The following NAALADL2 variants were observed in gnomAD, a reference collection of about 807,000 sequenced individuals.
The protein encoded by NAALADL2 is inactive N-acetylated-alpha-linked acidic dipeptidase-like protein 2.
NAALADL2 carries 76 observed loss-of-function variants against 87.2 expected under a neutral mutation model. That is an observed-to-expected ratio of 0.87 (90% CI 0.72 to 1.05). The LOEUF (loss-of-function observed/expected upper bound fraction) is 1.05, where lower values mean the gene tolerates loss of function less well. Among genes scored for constraint, NAALADL2 ranks in the 50% least tolerant of loss-of-function variants. The pLI is 0.00. For synonymous variants in NAALADL2, 354 were observed against 331.0 expected, an observed-to-expected ratio of 1.07 and a Z score of -0.75; for missense variants, 1,089 against 945.8, an observed-to-expected ratio of 1.15 and a Z score of -1.99.
chr3:174,903,299 A>G (rs1732527705), intron 1 of NAALADL2, among the ~76,000 whole-genome samples: 1 of 152,094 alleles, frequency 6.6e-6, no homozygotes, highest in South Asian at 2.1e-4. Context: ...TAGTAATAAG[A>G]AGACGCAATA....
intron 1 of NAALADL2, among the ~76,000 whole-genome samples, chr3:174,510,925 T>C (rs892111924): frequency 3.3e-5 from 5 of 151,986 alleles, no homozygotes; most frequent in African/African-American, 9.7e-5. Context: ...CAAAACGTTT[T>C]CTAATTTCTA....
chr3:175,557,414 T>C (rs989862784), intron 9 of NAALADL2, among the ~76,000 whole-genome samples: 1 of 152,192 alleles, frequency 6.6e-6, no homozygotes, highest in Non-Finnish European at 1.5e-5. Context: ...AATTAAACTC[T>C]TTTAGTTATT....
chr3:174,637,973 CAA>C (rs1722811413), intron 2 of NAALADL2, among the ~76,000 whole-genome samples: 1 of 151,806 alleles, frequency 6.6e-6, no homozygotes, highest in East Asian at 1.9e-4. Flanking sequence ...TCTAAATATT[CAA>C]AGTGTTCATA....
intron 1 of NAALADL2, among the ~76,000 whole-genome samples, chr3:175,090,256 T>C (rs1023393233): frequency 6.6e-6 from 1 of 152,056 alleles, no homozygotes; most frequent in Non-Finnish European, 1.5e-5. Context: ...GTGGTAGATA[T>C]CCTAAATAAT....
chr3:174,955,978 A>G (rs986534979), intron 1 of NAALADL2, among the ~76,000 whole-genome samples: 5 of 151,794 alleles, frequency 3.3e-5, no homozygotes, highest in African/African-American at 4.8e-5. Context: ...TGGTTTAAAT[A>G]CTCTCTTTTG....
chr3:175,631,685 G>A (rs1560883781), intron 11 of NAALADL2, among the ~76,000 whole-genome samples: 1 of 151,820 alleles, frequency 6.6e-6, no homozygotes, highest in Non-Finnish European at 1.5e-5. Context: ...AATTATCATA[G>A]AAACCAAACT....
chr3:174,574,572 AAC>A (rs1373268795), intron 2 of NAALADL2, among the ~76,000 whole-genome samples: 12 of 152,260 alleles, frequency 7.9e-5, no homozygotes, highest in African/African-American at 2.6e-4. Context: ...TTTTTAAGTG[AAC>A]TATACTTTAT....
rs1169782805 is a variant in NAALADL2, at chr3:175,437,245, A to T, written c.1091-9984A>T. Among the ~76,000 whole-genome samples the T allele has an allele frequency of 2.7e-5, 4 of 150,390 alleles. No individual in the cohort carries two copies. The Admixed American group carries it at 2.7e-4, about 10-fold the overall frequency. On this transcript the variant is annotated intron_variant, in intron 5 of 13. Coordinates refer to ENST00000454872, the MANE Select transcript of NAALADL2 (RefSeq NM_207015.3). Reference sequence around the variant, plus strand: ...TCTCCTTAAGCTGATAAGCAACTTCAGCAAAGTCTCAGGATACAAAATCAA... The same window carrying T: ...TCTCCTTAAGCTGATAAGCAACTTCTGCAAAGTCTCAGGATACAAAATCAA...
chr3:175,807,817 G>A lies in NAALADL2; in HGVS notation c.*4614G>A, dbSNP rs560112451. The A allele has an allele frequency of 2.0e-4, 30 of 151,888 alleles. No individual in the cohort carries two copies. The highest frequency in any genetic ancestry group is 6.5e-4 in the African/African-American group (27 of 41,498). The allele number at this position is 151,888 out of a possible 1,614,324, so 9.4% of individuals were successfully genotyped here. A position where few individuals can be genotyped will look rare whatever the true frequency, so the allele number is the denominator to read the frequency against. ...AAAGCCTCATTAGAATTTGCTATTC[G>A]AAAAGACCTTAAAAACCCTCACAGA... On this transcript the variant is annotated 3_prime_UTR_variant, in exon 14 of 14. Transcript: ENST00000454872.
chr3:175,623,453 G>T (rs1404039455), intron 10 of NAALADL2, among the ~76,000 whole-genome samples: 1 of 152,040 alleles, frequency 6.6e-6, no homozygotes, highest in Non-Finnish European at 1.5e-5. Context: ...TTGAAGGCAT[G>T]GGGATTATAG....
intron 4 of NAALADL2, among the ~76,000 whole-genome samples, chr3:175,296,861 T>C (rs1035635124): frequency 6.6e-6 from 1 of 152,138 alleles, no homozygotes; most frequent in Admixed American, 6.6e-5. Context: ...TTTCAGGGGA[T>C]GAACTGCTTC....
In NAALADL2 at chr3:175,510,560, T is replaced by C. The variant is rs185379328; in HGVS notation, c.1653+38802T>C. ...TTTGGAAATGTTTTAAAAAAATAAC[T>C]GGTATTTATAATGTGTTTTATAATT... On this transcript the variant is annotated intron_variant, in intron 9 of 13. Transcript: ENST00000454872. 3.4e-3 allele frequency among the ~76,000 whole-genome samples: 519 copies of C among 152,316 alleles called. 2 individuals carry two copies. Among genetic ancestry groups the C allele is most frequent in the African/African-American group, 0.011 (466 of 41,578 alleles).
intron 3 of NAALADL2, among the ~76,000 whole-genome samples, chr3:174,741,508 G>T (rs1733755936): frequency 6.6e-6 from 1 of 151,508 alleles, no homozygotes; most frequent in African/African-American, 2.4e-5. Flanking sequence ...CCTTGGAACT[G>T]AAATTATATT....
intron 3 of NAALADL2, among the ~76,000 whole-genome samples, chr3:174,847,076 T>G (rs1370404719): frequency 6.6e-6 from 1 of 152,196 alleles, no homozygotes; most frequent in Non-Finnish European, 1.5e-5. Context: ...AGTTTCTGTC[T>G]CTAGCAGCTG....
intron 1 of NAALADL2, among the ~76,000 whole-genome samples, chr3:174,908,349 T>A (rs1733240906): frequency 6.6e-6 from 1 of 151,968 alleles, no homozygotes; most frequent in Non-Finnish European, 1.5e-5. Flanking sequence ...TATGGGAAAG[T>A]GGGACAAAGG....
chr3:175,799,738 G>A (rs1211716388), intron 13 of NAALADL2, among the ~76,000 whole-genome samples: 1 of 151,958 alleles, frequency 6.6e-6, no homozygotes, highest in African/African-American at 2.4e-5. Context: ...CACTATTTAA[G>A]TCATTTTGAG....
At chr3:175,236,548 C>CA (rs34787558) in intron 3 of NAALADL2, among the ~76,000 whole-genome samples, 1,715 of 98,758 alleles carry the variant, frequency 0.017, 13 homozygotes, top group East Asian at 0.047. Context: ...AACTCCTTCT[C>CA]AAAAAAAAAA....
At chr3:175,676,009 A>G (rs1298333750) in intron 11 of NAALADL2, 3 of 152,156 alleles carry the variant, frequency 2.0e-5, no homozygotes, top group African/African-American at 7.2e-5. Context: ...GTTACACTTT[A>G]GAGTGTGCCC....
chr3:175,187,404 CT>C (rs1737502641), intron 2 of NAALADL2, among the ~76,000 whole-genome samples: 1 of 152,068 alleles, frequency 6.6e-6, no homozygotes. Context: ...TTTTATATTG[CT>C]TTTAGTTTTA....
Sources: allele counts gnomAD v4.1 joint callset (sites outside exome capture counted in the v4.1 genomes callset), GRCh38; gene constraint gnomAD v4.1.1; transcripts MANE v1.5; gene names NCBI Gene and HGNC (gene_info 2026-07-23, HGNC 2026-07-21).